Variants in C12orf42 observed in about 807,000 individuals in gnomAD.
C12orf42 encodes chromosome 12 open reading frame 42.
Under a neutral mutation model 21.6 loss-of-function variants are expected in C12orf42, and 25 were observed. That is an observed-to-expected ratio of 1.16 (90% CI 0.84 to 1.62). C12orf42 has a LOEUF of 1.62. C12orf42 is among the 40% of genes most tolerant of loss of function. The pLI is 0.00. For missense variants in C12orf42, 483 were observed against 459.3 expected (o/e 1.05, Z -0.47); for synonymous variants, 174 against 175.0 (o/e 0.99, Z 0.05).
chr12:103,364,029 A>G (rs545884552), intron 4 of C12orf42, among the ~76,000 whole-genome samples: 1 of 152,202 alleles, frequency 6.6e-6, no homozygotes, highest in South Asian at 2.1e-4. Flanking sequence ...CTACCCAACA[A>G]CTGCAGAATA....
the C12orf42 span, among the ~76,000 whole-genome samples, chr12:103,169,978 A>G: frequency 1.3e-5 from 2 of 152,172 alleles, no homozygotes; most frequent in Non-Finnish European, 2.9e-5. Context: ...TGAATAAAGT[A>G]TGTTTAATTT....
At chr12:103,543,896 G>A in the C12orf42 span, among the ~76,000 whole-genome samples, 9 of 113,866 alleles carry the variant, frequency 7.9e-5, no homozygotes, top group African/African-American at 3.2e-4. Flanking sequence ...TTTTTGTTTT[G>A]TTTTTTGTTT....
At chr12:103,480,539 GTCT>G (rs1469621431) in intron 1 of C12orf42, among the ~76,000 whole-genome samples, 3 of 151,002 alleles carry the variant, frequency 2.0e-5, no homozygotes, top group Non-Finnish European at 4.4e-5. Flanking sequence ...TCACTGTTTA[GTCT>G]TCTTTTCTAA....
the C12orf42 span, among the ~76,000 whole-genome samples, chr12:103,062,860 C>G: frequency 6.6e-6 from 1 of 152,106 alleles, no homozygotes; most frequent in African/African-American, 2.4e-5. Context: ...ATCTCTCCCT[C>G]TCTTCTATTA....
chr12:103,490,747 TTAAA>T (rs757667186), intron 1 of C12orf42, among the ~76,000 whole-genome samples: 5 of 151,800 alleles, frequency 3.3e-5, no homozygotes, highest in Non-Finnish European at 7.4e-5. Flanking sequence ...GTTTATTATG[TTAAA>T]TAAGTATCTA....
At chr12:103,067,797 C>T in the C12orf42 span, among the ~76,000 whole-genome samples, 1 of 152,136 alleles carries the variant, frequency 6.6e-6, no homozygotes, top group Non-Finnish European at 1.5e-5. Flanking sequence ...TTGGGCTCTC[C>T]CTACCTTTAA....
At chr12:103,278,725 C>G (rs563664441) in intron 4 of C12orf42, among the ~76,000 whole-genome samples, 2 of 152,328 alleles carry the variant, frequency 1.3e-5, no homozygotes, top group South Asian at 2.1e-4. Flanking sequence ...CACTGGGGCT[C>G]TAAGTGGGGA....
chr12:103,118,407 G>A, the C12orf42 span, among the ~76,000 whole-genome samples: 1 of 152,118 alleles, frequency 6.6e-6, no homozygotes, highest in Non-Finnish European at 1.5e-5. Flanking sequence ...ACTAACTAAT[G>A]GCATGAGCAC....
At chr12:103,079,889 C>T in the C12orf42 span, among the ~76,000 whole-genome samples, 3 of 152,242 alleles carry the variant, frequency 2.0e-5, no homozygotes, top group South Asian at 6.2e-4. Context: ...ATATTGCTAA[C>T]TTGAATCAAT....
In C12orf42 at chr12:103,336,000, C is replaced by A. The variant is rs554675803; in HGVS notation, c.260-29655G>T. On this transcript the variant is annotated intron_variant, in intron 4 of 5. Coordinates refer to ENST00000548883, the MANE Select transcript of C12orf42 (RefSeq NM_198521.5). The stretch of plus-strand genomic sequence containing the variant: ...TGTTTTGCTCACAGTGTGTCCTCAG[C>A]AGCTAGAGCTCAGTACCCAATTGGA... Among the ~76,000 whole-genome samples the A allele has an allele frequency of 3.3e-5, 5 of 152,346 alleles. No homozygotes were observed. In the South Asian group the frequency reaches 1.0e-3, roughly 32 times the overall value.
chr12:103,200,408 TA>T, the C12orf42 span, among the ~76,000 whole-genome samples: 1 of 152,190 alleles, frequency 6.6e-6, no homozygotes, highest in East Asian at 1.9e-4. Context: ...AGATTTACTG[TA>T]TATTATAGCA....
At chr12:103,298,163 T>C (rs1000909169), downstream of C12orf42, among the ~76,000 whole-genome samples, 4 of 151,902 alleles carry the variant, frequency 2.6e-5, no homozygotes, top group African/African-American at 9.7e-5. Flanking sequence ...GGAAGTCAAA[T>C]TGTCCCTGTT....
chr12:103,353,469 G>C (rs966765763), intron 4 of C12orf42, among the ~76,000 whole-genome samples: 4 of 152,080 alleles, frequency 2.6e-5, no homozygotes, highest in East Asian at 1.9e-4. Context: ...TCACTTGCCA[G>C]TACCTCTTCT....
At chr12:103,410,664 C>T (rs2048767295) in intron 2 of C12orf42, among the ~76,000 whole-genome samples, 1 of 152,182 alleles carries the variant, frequency 6.6e-6, no homozygotes, top group Non-Finnish European at 1.5e-5. Context: ...GGAACTGCAA[C>T]TTTATTCCAG....
At chr12:103,464,021 G>A (rs148528519) in intron 2 of C12orf42, among the ~76,000 whole-genome samples, 81 of 152,196 alleles carry the variant, frequency 5.3e-4, no homozygotes, top group African/African-American at 1.2e-3. Flanking sequence ...TGTGAATAGC[G>A]CTGTAATGAA....
intron 2 of C12orf42, among the ~76,000 whole-genome samples, chr12:103,469,180 G>T (rs1291610970): frequency 6.6e-6 from 1 of 152,186 alleles, no homozygotes; most frequent in Admixed American, 6.5e-5. Context: ...CTTGGGAAGG[G>T]GCAGGGCAGA....
At chr12:103,225,317 A>C in the C12orf42 span, among the ~76,000 whole-genome samples, 3 of 152,280 alleles carry the variant, frequency 2.0e-5, no homozygotes, top group South Asian at 4.1e-4. Context: ...GGACAGGTAA[A>C]AATGGGGGAA....
chr12:103,418,637 C>T (rs1232068215), intron 2 of C12orf42, among the ~76,000 whole-genome samples: 1 of 152,026 alleles, frequency 6.6e-6, no homozygotes, highest in East Asian at 1.9e-4. Flanking sequence ...ATTAATTTAT[C>T]ATTCCTGTAT....
At chr12:103,446,632 G>C (rs375765028) in intron 2 of C12orf42, among the ~76,000 whole-genome samples, 26 of 151,964 alleles carry the variant, frequency 1.7e-4, no homozygotes, top group African/African-American at 5.8e-4. Context: ...AAAACATAAG[G>C]ACTCACATAA....
Sources: gnomAD v4.1 joint callset for allele counts (sites outside exome capture counted in the v4.1 genomes callset) on GRCh38, gnomAD v4.1.1 for gene constraint, MANE v1.5 for transcripts, NCBI Gene and HGNC (gene_info 2026-07-23, HGNC 2026-07-21) for gene names.